Variants in DRD2 observed in about 807,000 individuals in gnomAD.
DRD2 encodes D(2) dopamine receptor.
In DRD2, 8 loss-of-function variants were observed where a neutral mutation model predicts 38.0. That is an observed-to-expected ratio of 0.21 (90% CI 0.12 to 0.38). DRD2 has a LOEUF of 0.38. DRD2 is among the 10% of genes least tolerant of loss of function. The probability of loss-of-function intolerance (pLI) is 1.00; values close to 1 mark genes in which losing one functional copy is unlikely to be tolerated. For synonymous variants in DRD2, 230 were observed against 238.6 expected, an observed-to-expected ratio of 0.96 and a Z score of 0.33; for missense variants, 403 against 607.7, an observed-to-expected ratio of 0.66 and a Z score of 3.54.
intron 1 of DRD2, among the ~76,000 whole-genome samples, chr11:113,428,352 T>A (rs1950958026): frequency 6.6e-6 from 1 of 152,164 alleles, no homozygotes; most frequent in Non-Finnish European, 1.5e-5. Flanking sequence ...GGTAGGGCCT[T>A]TAATCCCCTC....
chr11:113,433,611 C>G (rs984428437), intron 1 of DRD2, among the ~76,000 whole-genome samples: 1 of 152,188 alleles, frequency 6.6e-6, no homozygotes, highest in East Asian at 1.9e-4. Flanking sequence ...GCTCAGGGAC[C>G]GCGCAGCAGC....
chr11:113,452,277 G>C (rs1402009922), intron 1 of DRD2, among the ~76,000 whole-genome samples: 2 of 152,100 alleles, frequency 1.3e-5, no homozygotes, highest in Non-Finnish European at 2.9e-5. Context: ...ACAGCCAAGG[G>C]GCCGGTGGAT....
In DRD2 at chr11:113,418,091, C is replaced by T. The variant is rs745749347; in HGVS notation, c.331G>A (p.Val111Ile). Residue 111 changes from valine to isoleucine, a missense_variant, in exon 3 of 8, where the codon GTC (valine) becomes ATC (isoleucine). Transcript: ENST00000362072. ...GTGCACATCATGACGTCCAGAGTGA[C>T]GAAGATGTCACAGTGAATCCTGCTG... Reference protein sequence around the residue: ...KFSRIHCDIFVTLDVMMCTAS... With the variant: ...KFSRIHCDIFITLDVMMCTAS... 1.4e-5 allele frequency: 22 copies of T among 1,614,050 alleles called. No homozygotes were observed. Among genetic ancestry groups the T allele is most frequent in the South Asian group, 5.5e-5 (5 of 91,088 alleles).
chr11:113,428,163 G>A (rs557901075), intron 1 of DRD2, among the ~76,000 whole-genome samples: 1 of 152,266 alleles, frequency 6.6e-6, no homozygotes, highest in South Asian at 2.1e-4. Context: ...ACTAATACAG[G>A]TCCCTAGAAG....
chr11:113,415,700 AAGG>A lies in DRD2; in HGVS notation c.533-92_533-90del, dbSNP rs1950819127. 2.1e-6 allele frequency: 3 copies of A among 1,444,524 alleles called. No homozygotes were observed. In the African/African-American group the frequency reaches 4.2e-5, roughly 20 times the overall value. 89.5% of individuals were successfully genotyped at this position (1,444,524 alleles called of 1,614,324 possible). On this transcript the variant is annotated intron_variant, in intron 4 of 7. Coordinates refer to ENST00000362072, the MANE Select transcript of DRD2 (RefSeq NM_000795.4). ...AGCCCATTCATGTCCTTCCAGGAAC[AAGG>A]AGCGATTTTACAGAGAATATGAACG...
rs142366000 is a variant in DRD2 at position 113,426,924 on chromosome 11, A to G, written c.-31-2242T>C. 3.6e-3 allele frequency among the ~76,000 whole-genome samples: 546 copies of G among 152,280 alleles called. 2 individuals are homozygous for G. Among genetic ancestry groups the G allele is most frequent in the African/African-American group, 0.012 (517 of 41,554 alleles). On this transcript the variant is annotated intron_variant, in intron 1 of 7. Transcript: ENST00000362072. ...GTGCCTGGGGCTGCTTCTGACATTC[A>G]TTTACTCAATCGGCATTTATTGAAC...
At chr11:113,452,652 T>C (rs1258876214) in intron 1 of DRD2, among the ~76,000 whole-genome samples, 2 of 151,238 alleles carry the variant, frequency 1.3e-5, no homozygotes, top group African/African-American at 4.9e-5. Flanking sequence ...CCCATCTTTT[T>C]TTTTTTTTTT....
At chr11:113,433,097 A>T (rs1951004015) in intron 1 of DRD2, among the ~76,000 whole-genome samples, 1 of 151,884 alleles carries the variant, frequency 6.6e-6, no homozygotes, top group Non-Finnish European at 1.5e-5. Flanking sequence ...TGGGGTGTGG[A>T]GGGTCTGTGG....
Position 113,410,488 on chromosome 11 carries a change from C to T in DRD2, c.*239G>A, listed in dbSNP as rs1286984282. Reference sequence around the variant, plus strand: ...GGGAGGGGGGACTCTATGAGCTGCCCCTGAGCTGGGGGGCCCAGCCCCAGG... The same window carrying T: ...GGGAGGGGGGACTCTATGAGCTGCCTCTGAGCTGGGGGGCCCAGCCCCAGG... On this transcript the variant is annotated 3_prime_UTR_variant, in exon 8 of 8. Coordinates refer to ENST00000362072, the MANE Select transcript of DRD2 (RefSeq NM_000795.4). 5.0e-6 allele frequency: 3 copies of T among 597,360 alleles called. No homozygotes were observed. The highest frequency in any genetic ancestry group is 9.0e-6 in the Non-Finnish European group (3 of 333,604). 37.0% of individuals were successfully genotyped at this position (597,360 alleles called of 1,614,324 possible). A position where few individuals can be genotyped will look rare whatever the true frequency, so the allele number is the denominator to read the frequency against.
chr11:113,425,767 A>G (rs1396405310), intron 1 of DRD2, among the ~76,000 whole-genome samples: 1 of 152,082 alleles, frequency 6.6e-6, no homozygotes, highest in Admixed American at 6.5e-5. Flanking sequence ...TCTGGGATGA[A>G]GTAGAAGGAG....
At chr11:113,447,105 T>A (rs950349732) in intron 1 of DRD2, among the ~76,000 whole-genome samples, 3 of 152,154 alleles carry the variant, frequency 2.0e-5, no homozygotes, top group Non-Finnish European at 4.4e-5. Context: ...GTCATAGCCC[T>A]TGCAAGTCCA....
intron 1 of DRD2, among the ~76,000 whole-genome samples, chr11:113,429,810 T>C (rs759151674): frequency 6.6e-6 from 1 of 152,204 alleles, no homozygotes; most frequent in African/African-American, 2.4e-5. Context: ...TTTACTAACT[T>C]TGGGGCCTCA....
chr11:113,414,722 C>A (rs910748036), intron 5 of DRD2, among the ~76,000 whole-genome samples: 1 of 152,234 alleles, frequency 6.6e-6, no homozygotes, highest in African/African-American at 2.4e-5. Flanking sequence ...ACACTCACGT[C>A]CCTTCTCACG....
intron 1 of DRD2, chr11:113,474,458 G>T (rs1262196518): frequency 6.6e-6 from 1 of 152,064 alleles, no homozygotes; most frequent in Non-Finnish European, 1.5e-5. Context: ...CTCCCTCCCC[G>T]ACTAGGTGTC....
At chr11:113,452,432 A>ATG (rs1951217933) in intron 1 of DRD2, among the ~76,000 whole-genome samples, 4 of 112,820 alleles carry the variant, frequency 3.5e-5, no homozygotes, top group East Asian at 3.3e-4. Context: ...ACTGGTGTGC[A>ATG]TGCGTGTGTG....
intron 1 of DRD2, among the ~76,000 whole-genome samples, chr11:113,435,330 T>TGGGGGG (rs57125489): frequency 1.6e-5 from 2 of 127,088 alleles, no homozygotes; most frequent in African/African-American, 5.9e-5. Flanking sequence ...TGACTCAGTG[T>TGGGGGG]GGGGGGGGGT....
intron 1 of DRD2, among the ~76,000 whole-genome samples, chr11:113,455,797 C>G (rs73557283): frequency 0.08 from 12,202 of 152,086 alleles, 582 homozygotes; most frequent in African/African-American, 0.12. Flanking sequence ...CAAATGGTAA[C>G]AAGGATGTAG....
chr11:113,452,469 T>TGTGTGTGCGCGCGCGC (rs1210531875), intron 1 of DRD2, among the ~76,000 whole-genome samples: 5 of 118,778 alleles, frequency 4.2e-5, no homozygotes, highest in African/African-American at 1.4e-4. Context: ...TGTGTGTGTG[T>TGTGTGTGCGCGCGCGC]GCGCGCGCGC....
chr11:113,460,820 C>G (rs1456656768), intron 1 of DRD2, among the ~76,000 whole-genome samples: 5 of 152,236 alleles, frequency 3.3e-5, no homozygotes, highest in Non-Finnish European at 5.9e-5. Flanking sequence ...GAGGCTCCAG[C>G]ATCCTGTGCA....
Sources: allele counts gnomAD v4.1 joint callset (sites outside exome capture counted in the v4.1 genomes callset), GRCh38; gene constraint gnomAD v4.1.1; transcripts MANE v1.5; gene names NCBI Gene and HGNC (gene_info 2026-07-23, HGNC 2026-07-21).